PASD1: variants seen among roughly 807,000 people sequenced by gnomAD.
PASD1 encodes the protein PAS domain containing repressor 1.
In PASD1, 13 loss-of-function variants were observed where a neutral mutation model predicts 58.8. The observed-to-expected ratio is 0.22, with a 90% CI of 0.14 to 0.35. The LOEUF is 0.35. Among genes scored for constraint, PASD1 ranks in the 10% least tolerant of loss-of-function variants. The probability of loss-of-function intolerance (pLI) is 1.00; values close to 1 mark genes in which losing one functional copy is unlikely to be tolerated. For missense variants in PASD1, 734 were observed against 568.3 expected (o/e 1.29, Z -2.96); for synonymous variants, 236 against 216.7 (o/e 1.09, Z -0.78).
rs1360619758 is a variant in PASD1, at chrX:151,567,093, T to TAAAA, written c.-28+3255_-28+3258dup. ...ATAAATAAATAAATAAATAAATAAA[T>TAAAA]AAAATAAAATAAAGTTTCAGATTTT... On this transcript the variant is annotated intron_variant, in intron 1 of 15. Transcript: ENST00000370357. Among the ~76,000 whole-genome samples, 67 of 95,700 alleles carry TAAAA rather than the reference T, an allele frequency of 7.0e-4. No homozygotes were observed. In the South Asian group the frequency reaches 0.015, roughly 21 times the overall value. 83.1% of individuals were successfully genotyped at this position (95,700 alleles called of 115,157 possible). A position where few individuals can be genotyped will look rare whatever the true frequency, so the allele number is the denominator to read the frequency against.
At chrX:151,643,421 G>A (rs143551023) in intron 8 of PASD1, among the ~76,000 whole-genome samples, 2,338 of 110,804 alleles carry the variant, frequency 0.021, 59 homozygotes, top group African/African-American at 0.072. Context: ...GTTAAGCTGC[G>A]GTGTGAATAT....
At chrX:151,653,868 C>CTT (rs2014192638) in intron 9 of PASD1, among the ~76,000 whole-genome samples, 4 of 16,455 alleles carry the variant, frequency 2.4e-4, no homozygotes, top group African/African-American at 8.7e-4. Flanking sequence ...CCCTCCCTCC[C>CTT]TCTTTCTTTC....
intron 8 of PASD1, among the ~76,000 whole-genome samples, chrX:151,631,633 C>G (rs1218543454): frequency 9.0e-6 from 1 of 111,397 alleles, no homozygotes; most frequent in Non-Finnish European, 1.9e-5. Flanking sequence ...CTCAGAAACT[C>G]TGCTATAGGA....
chrX:151,607,089 C>T lies in PASD1; in HGVS notation c.117+2355C>T, dbSNP rs754186925. Reference sequence around the variant, plus strand: ...ATCTTCTTCTTCCACACCACTTCTTCCCTACTATTTCCTGAGTTCTGTATC... The same window carrying T: ...ATCTTCTTCTTCCACACCACTTCTTTCCTACTATTTCCTGAGTTCTGTATC... On this transcript the variant is annotated intron_variant, in intron 3 of 15. Transcript: ENST00000370357. 2.7e-5 allele frequency among the ~76,000 whole-genome samples: 3 copies of T among 111,858 alleles called. No individual in the cohort carries two copies. In the South Asian group the frequency reaches 1.1e-3, roughly 42 times the overall value.
chrX:151,618,232 T>A (rs1259581571), intron 4 of PASD1, among the ~76,000 whole-genome samples: 2 of 111,586 alleles, frequency 1.8e-5, no homozygotes, highest in Non-Finnish European at 3.8e-5. Context: ...GCTAATTTGA[T>A]CATTGACCAG....
At chrX:151,617,649 T>C (rs1442948752) in intron 4 of PASD1, among the ~76,000 whole-genome samples, 1 of 112,084 alleles carries the variant, frequency 8.9e-6, no homozygotes, top group African/African-American at 3.2e-5. Flanking sequence ...TCTTATTCAG[T>C]GAATTACTTC....
chrX:151,565,779 C>T (rs1007745934), intron 1 of PASD1, among the ~76,000 whole-genome samples: 7 of 110,985 alleles, frequency 6.3e-5, no homozygotes, highest in African/African-American at 2.3e-4. Flanking sequence ...AGGATGGTCT[C>T]GATCTCCTGA....
intron 8 of PASD1, among the ~76,000 whole-genome samples, chrX:151,646,959 G>A (rs2014068038): frequency 8.9e-6 from 1 of 112,520 alleles, no homozygotes; most frequent in Non-Finnish European, 1.9e-5. Context: ...TAAGGCAGAA[G>A]AGAGTTGAGA....
chrX:151,604,817 A>C (rs1483443260), intron 3 of PASD1, 83 bp downstream of exon 3: 1 of 769,586 alleles, frequency 1.3e-6, no homozygotes, highest in East Asian at 3.4e-5. Flanking sequence ...TCAAAGTGTG[A>C]TTAGGAGATC....
intron 8 of PASD1, among the ~76,000 whole-genome samples, chrX:151,627,271 T>C (rs975046037): frequency 1.8e-5 from 2 of 110,763 alleles, no homozygotes; most frequent in African/African-American, 6.6e-5. Flanking sequence ...TAGTTACATA[T>C]GTATACATGT....
chrX:151,676,356 C>CGTA lies in PASD1; in HGVS notation c.*217_*219dup, dbSNP rs1449935326. ...TATGCTGTAGAGGCAGCCTGTGATC[C>CGTA]GTAGTATGCTAGGGTGTGACAGCAG... On this transcript the variant is annotated 3_prime_UTR_variant, in exon 16 of 16. Transcript: ENST00000370357. 1 of 375,531 alleles carries CGTA rather than the reference C, an allele frequency of 2.7e-6. No homozygotes were observed. The highest frequency in any genetic ancestry group is 2.6e-5 in the African/African-American group (1 of 38,635). The allele number at this position is 375,531 out of a possible 1,213,427, so 30.9% of individuals were successfully genotyped here. A position where few individuals can be genotyped will look rare whatever the true frequency, so the allele number is the denominator to read the frequency against.
chrX:151,613,219 A>G (rs2013590746), intron 4 of PASD1, among the ~76,000 whole-genome samples: 1 of 111,631 alleles, frequency 9.0e-6, no homozygotes, highest in Admixed American at 9.5e-5. Flanking sequence ...TGGTTACTGT[A>G]GCCTTGTAGT....
intron 11 of PASD1, among the ~76,000 whole-genome samples, chrX:151,668,377 G>A (rs1244118571): frequency 9.0e-6 from 1 of 111,430 alleles, no homozygotes; most frequent in Non-Finnish European, 1.9e-5. Context: ...TAGTGGATAA[G>A]CTTTTTGATG....
intron 1 of PASD1, among the ~76,000 whole-genome samples, chrX:151,571,846 T>C (rs2012932213): frequency 8.9e-6 from 1 of 112,025 alleles, no homozygotes; most frequent in Non-Finnish European, 1.9e-5. Flanking sequence ...CTTTGTTCCT[T>C]CTCATATTAG....
At chrX:151,632,480 A>G (rs2013880761) in intron 8 of PASD1, among the ~76,000 whole-genome samples, 2 of 111,550 alleles carry the variant, frequency 1.8e-5, no homozygotes, top group Admixed American at 1.9e-4. Context: ...AGGGCCTGTG[A>G]GCAACTGTGA....
chrX:151,628,571 C>T (rs912063451), intron 8 of PASD1, among the ~76,000 whole-genome samples: 3 of 111,866 alleles, frequency 2.7e-5, no homozygotes, highest in Non-Finnish European at 3.8e-5. Flanking sequence ...GGTACCAGTA[C>T]CATGCTGTTT....
chrX:151,664,049 TAC>T, intron 10 of PASD1, 68 bp from the exon 11 acceptor site: 2 of 1,187,338 alleles, frequency 1.7e-6, no homozygotes, highest in Non-Finnish European at 2.3e-6. Flanking sequence ...ATGACCCTCG[TAC>T]AGTCTTTTTG....
chrX:151,588,923 T>C (rs1458094431), intron 1 of PASD1, among the ~76,000 whole-genome samples: 1 of 111,902 alleles, frequency 8.9e-6, no homozygotes, highest in East Asian at 2.8e-4. Flanking sequence ...CTGCTGAAGA[T>C]TCATTCCAGC....
Position 151,639,447 on chromosome X carries a change from G to A in PASD1, c.630-9168G>A, listed in dbSNP as rs185088186. Among the ~76,000 whole-genome samples, 124 of 112,188 alleles carry A rather than the reference G, an allele frequency of 1.1e-3. 1 individual carries two copies. The highest frequency in any genetic ancestry group is 4.6e-3 in the Middle Eastern group (1 of 218). On this transcript the variant is annotated intron_variant, in intron 8 of 15. Transcript: ENST00000370357. Reference sequence around the variant, plus strand: ...CTAGTGCTGAGATGTACAACGAAACGAGAAACTACAATACTACAAGAAACT... The same window carrying A: ...CTAGTGCTGAGATGTACAACGAAACAAGAAACTACAATACTACAAGAAACT...
Sources: gnomAD v4.1 joint callset for allele counts (sites outside exome capture counted in the v4.1 genomes callset) on GRCh38, gnomAD v4.1.1 for gene constraint, MANE v1.5 for transcripts, NCBI Gene and HGNC (gene_info 2026-07-23, HGNC 2026-07-21) for gene names.